The following EVC2 variants were observed in gnomAD, a reference collection of about 807,000 sequenced individuals.
EVC2 encodes limbin.
In EVC2, 148 loss-of-function variants were observed where a neutral mutation model predicts 149.3. The observed-to-expected ratio is 0.99, with a 90% confidence interval of 0.87 to 1.14. The LOEUF is 1.14. Ranked by LOEUF, EVC2 falls within the 50% of genes most tolerant of loss-of-function variation. The probability of loss-of-function intolerance (pLI) is 0.00; values close to 1 mark genes in which losing one functional copy is unlikely to be tolerated. For missense variants in EVC2, 1,854 were observed against 1,627.3 expected (o/e 1.14, Z -2.40); for synonymous variants, 776 against 649.9 (o/e 1.19, Z -2.95).
At chr4:5,580,655 G>A (rs145143051) in intron 17 of EVC2, among the ~76,000 whole-genome samples, 2,109 of 152,234 alleles carry the variant, frequency 0.014, 168 homozygotes, top group Admixed American at 0.12. Flanking sequence ...GCTCTATTAG[G>A]GCAGTGATCC....
In EVC2 at chr4:5,552,013, G is replaced by A. The variant is rs147894784; in HGVS notation, c.3420-8801C>T. Among the ~76,000 whole-genome samples, 65 of 152,176 alleles carry A rather than the reference G, an allele frequency of 4.3e-4. No individual in the cohort carries two copies. In the East Asian group the frequency reaches 0.011, roughly 26 times the overall value. On this transcript the variant is annotated intron_variant and NMD_transcript_variant, in intron 21 of 22. Transcript: ENST00000475313. ...TTTCCTGTATAAATTACCCAGTCTC[G>A]GGTATGTCTTTATCAGCGGCGTGAA...
intron 3 of EVC2, 72 bp from the exon 4 acceptor site, chr4:5,691,405 G>GATAATGAA (rs1721112636): frequency 1.5e-6 from 2 of 1,296,604 alleles, no homozygotes; most frequent in Non-Finnish European, 2.2e-6. Context: ...AAAAGTACAA[G>GATAATGAA]ATAATGAAAT....
intron 7 of EVC2, 96 bp from the exon 8 acceptor site, chr4:5,665,745 G>A (rs1388224707): frequency 6.5e-6 from 10 of 1,542,244 alleles, no homozygotes; most frequent in Admixed American, 1.9e-5. Flanking sequence ...ACCAAGCAGG[G>A]ACCAGGGGAC....
intron 9 of EVC2, among the ~76,000 whole-genome samples, chr4:5,662,519 AATATTAAAT>A (rs1231833718): frequency 6.9e-5 from 9 of 130,412 alleles, no homozygotes; most frequent in South Asian, 4.9e-4. Context: ...ATATAATATT[AATATTAAAT>A]ATATTAAATA....
chr4:5,550,785 T>G (rs972020805), intron 21 of EVC2, among the ~76,000 whole-genome samples: 1 of 152,228 alleles, frequency 6.6e-6, no homozygotes, highest in African/African-American at 2.4e-5. Context: ...AAAAGTGGTT[T>G]TGTGGGCCTG....
intron 9 of EVC2, among the ~76,000 whole-genome samples, chr4:5,651,644 A>G (rs1718157214): frequency 6.6e-6 from 1 of 152,210 alleles, no homozygotes; most frequent in Admixed American, 6.5e-5. Context: ...TGGAAAATGT[A>G]AAGGTAGCTT....
rs1491507191 is a variant in EVC2 at position 5,625,348 on chromosome 4, A to AC, written c.2046+400_2046+401insG. On this transcript the variant is annotated intron_variant, in intron 13 of 21. Coordinates refer to ENST00000344408, the MANE Select transcript of EVC2 (RefSeq NM_147127.5). The surrounding 1 kb of genome is among the most constrained non-coding windows in gnomAD (Gnocchi z 4.0). Reference sequence around the variant, plus strand: ...CACACACACACACACACACACACACAAACCCAGTGGTATCTCCCTCATAGG... The same window carrying AC: ...CACACACACACACACACACACACACACAACCCAGTGGTATCTCCCTCATAGG... 2.7e-3 allele frequency among the ~76,000 whole-genome samples: 388 copies of AC among 143,644 alleles called. 3 individuals carry two copies. Among genetic ancestry groups the AC allele is most frequent in the African/African-American group, 8.7e-3 (332 of 38,110 alleles). 94.2% of individuals were successfully genotyped at this position (143,644 alleles called of 152,430 possible). A position where few individuals can be genotyped will look rare whatever the true frequency, so the allele number is the denominator to read the frequency against.
chr4:5,588,429 T>C (rs190977427), intron 16 of EVC2, among the ~76,000 whole-genome samples: 1 of 152,216 alleles, frequency 6.6e-6, no homozygotes, highest in Non-Finnish European at 1.5e-5. Context: ...TGTGAGTTTA[T>C]AGTTGTCATC....
At chr4:5,629,103 G>A (rs78789089) in intron 11 of EVC2, among the ~76,000 whole-genome samples, 4,821 of 152,246 alleles carry the variant, frequency 0.032, 226 homozygotes, top group African/African-American at 0.11. Flanking sequence ...GAAGTTCTGG[G>A]AGAAGTCAGC....
chr4:5,642,106 T>A (rs547422375), intron 9 of EVC2, among the ~76,000 whole-genome samples: 2 of 152,302 alleles, frequency 1.3e-5, no homozygotes, highest in Admixed American at 1.3e-4. Flanking sequence ...CTGCAAAGCA[T>A]ATGAACTCAT....
rs1715456625 is a variant in EVC2, at chr4:5,618,672, A to G, written c.2512T>C (p.Ser838Pro). 6.2e-7 allele frequency: 1 copy of G among 1,600,036 alleles called. No homozygotes were observed. The highest frequency in any genetic ancestry group is 1.3e-5 in the African/African-American group (1 of 74,692). ...TCTTCAGACAGGGAGAAGACTGAGG[A>G]GCAGAGCTTCCTGGGAGGAAGAACA... ...WEHLIFMKLC[S>P]SVFSLSEEEL... is the part of the protein sequence containing the mutation. The change falls in exon 15 of 22, where the codon TCC becomes CCC. Residue 838 changes from serine (S) to proline (P), a missense_variant. Ser to Pro is a moderately conservative substitution (Grantham distance 74). Coordinates refer to ENST00000344408, the MANE Select transcript of EVC2 (RefSeq NM_147127.5). This position sits in a 1 kb window ranked among gnomAD's most constrained non-coding sequence, Gnocchi z 4.4.
chr4:5,688,572 T>A (rs1168300716), intron 5 of EVC2, among the ~76,000 whole-genome samples: 2 of 152,146 alleles, frequency 1.3e-5, no homozygotes, highest in African/African-American at 4.8e-5. Context: ...CCTGCTTAAT[T>A]GACCAATAAC....
At chr4:5,648,433 G>T (rs1317487709) in intron 9 of EVC2, among the ~76,000 whole-genome samples, 1 of 152,178 alleles carries the variant, frequency 6.6e-6, no homozygotes, top group Admixed American at 6.5e-5. Context: ...CTTGTGTTGG[G>T]AAAATGGCAG....
In EVC2 at chr4:5,677,706, T is replaced by C. The variant is rs1026163498; in HGVS notation, c.870+3554A>G. ...ACCTCCTCCTCCTGAGCAGCAATCA[T>C]CGTCATTGACGACAATAAGCTCAAT... On this transcript the variant is annotated intron_variant, in intron 7 of 21. Transcript: ENST00000344408. This position sits in a 1 kb window ranked among gnomAD's most constrained non-coding sequence, Gnocchi z 4.3. 3.3e-5 allele frequency among the ~76,000 whole-genome samples: 5 copies of C among 152,208 alleles called. No individual in the cohort carries two copies. Among genetic ancestry groups the C allele is most frequent in the African/African-American group, 1.2e-4 (5 of 41,464 alleles).
chr4:5,693,275 C>A (rs1721251675), intron 3 of EVC2, among the ~76,000 whole-genome samples: 1 of 152,188 alleles, frequency 6.6e-6, no homozygotes, highest in African/African-American at 2.4e-5. Flanking sequence ...TGTCTGTGTT[C>A]TGATCCCCAG....
chr4:5,680,868 T>C lies in EVC2; in HGVS notation c.870+392A>G, dbSNP rs74989418. Among the ~76,000 whole-genome samples the C allele has an allele frequency of 2.3e-3, 349 of 151,678 alleles. 6 individuals are homozygous for C. The East Asian group carries it at 0.041, about 18-fold the overall frequency. On this transcript the variant is annotated intron_variant, in intron 7 of 21. Coordinates refer to ENST00000344408, the MANE Select transcript of EVC2 (RefSeq NM_147127.5). Reference sequence around the variant, plus strand: ...GAAGAACAGAAATGGAGAAGTATTATGGTGAAGAGCAGAAGCAGAGAGACC... The same window carrying C: ...GAAGAACAGAAATGGAGAAGTATTACGGTGAAGAGCAGAAGCAGAGAGACC...
At chr4:5,584,287 TACACTGTTGCATTTA>T (rs1712068991) in intron 17 of EVC2, among the ~76,000 whole-genome samples, 1 of 152,154 alleles carries the variant, frequency 6.6e-6, no homozygotes, top group Non-Finnish European at 1.5e-5. Context: ...AATAACCCAG[TACACTGTTGCATTTA>T]GGATGCTGCT....
In EVC2 at chr4:5,567,729, G is replaced by A. The variant is rs1722376572; in HGVS notation, c.3557+715C>T. Among the ~76,000 whole-genome samples, 1 of 152,010 alleles carries A rather than the reference G, an allele frequency of 6.6e-6. No homozygotes were observed. Among genetic ancestry groups the A allele is most frequent in the African/African-American group, 2.4e-5 (1 of 41,360 alleles). On this transcript the variant is annotated intron_variant, in intron 20 of 21. Transcript: ENST00000344408. This position sits in a 1 kb window ranked among gnomAD's most constrained non-coding sequence, Gnocchi z 4.4. ...TTACCCATAATTTAAAAAAAAATGG[G>A]CCCAAACTGAATGTCAAGTGACGGG...
intron 2 of EVC2, 92 bp downstream of exon 2, chr4:5,697,501 G>T: frequency 7.9e-7 from 1 of 1,273,074 alleles, no homozygotes; most frequent in Non-Finnish European, 1.1e-6. Flanking sequence ...GGAAGGATCA[G>T]CAGAGAGTGA....
Sources: gnomAD v4.1 joint callset for allele counts (sites outside exome capture counted in the v4.1 genomes callset) on GRCh38, gnomAD v4.1.1 for gene constraint, Gnocchi (gnomAD v3.1) non-coding constraint, MANE v1.5 for transcripts, NCBI Gene and HGNC (gene_info 2026-07-23, HGNC 2026-07-21) for gene names.